Variants in YWHAQ observed in about 807,000 individuals in gnomAD.
YWHAQ encodes the protein tyrosine 3-monooxygenase/tryptophan 5-monooxygenase activation protein theta.
YWHAQ carries 6 observed loss-of-function variants against 28.3 expected under a neutral mutation model. That is an observed-to-expected ratio of 0.21 (90% CI 0.12 to 0.42). The LOEUF is 0.42. YWHAQ is among the 10% of genes least tolerant of loss of function. The pLI is 1.00. For missense variants in YWHAQ, 201 were observed against 305.6 expected (o/e 0.66, Z 2.55); for synonymous variants, 143 against 119.1 (o/e 1.20, Z -1.31).
chr2:9,592,633 G>A (rs188335664), intron 2 of YWHAQ, among the ~76,000 whole-genome samples: 56 of 152,240 alleles, frequency 3.7e-4, no homozygotes, highest in African/African-American at 1.3e-3. Context: ...GCTGAGGCAG[G>A]AGAATTGCTT....
chr2:9,605,436 C>G (rs951886009), intron 2 of YWHAQ, among the ~76,000 whole-genome samples: 12 of 152,174 alleles, frequency 7.9e-5, no homozygotes, highest in African/African-American at 2.7e-4. Context: ...ACACCCCAGC[C>G]TCTGCTCTGT....
chr2:9,620,176 C>T (rs571311751), intron 2 of YWHAQ, among the ~76,000 whole-genome samples: 77 of 152,328 alleles, frequency 5.1e-4, no homozygotes, highest in African/African-American at 1.7e-3. Flanking sequence ...ATCATGGTCT[C>T]ACCACTTGCA....
chr2:9,627,059 T>C (rs1450807523), intron 2 of YWHAQ, among the ~76,000 whole-genome samples: 5 of 152,240 alleles, frequency 3.3e-5, no homozygotes, highest in Non-Finnish European at 7.3e-5. Context: ...CCCCTCATCT[T>C]AGAGAGTTTG....
chr2:9,610,912 G>A (rs538753657), intron 2 of YWHAQ, among the ~76,000 whole-genome samples: 1 of 152,158 alleles, frequency 6.6e-6, no homozygotes, highest in African/African-American at 2.4e-5. Context: ...GTAGCCCTAG[G>A]CAGAAACCTA....
chr2:9,602,597 T>G (rs1294158492), intron 2 of YWHAQ, among the ~76,000 whole-genome samples: 3 of 150,668 alleles, frequency 2.0e-5, no homozygotes, highest in African/African-American at 7.3e-5. Context: ...TGGAACGGAG[T>G]GCAGTGCAGT....
At chr2:9,608,402 GA>G (rs1553373929) in intron 2 of YWHAQ, among the ~76,000 whole-genome samples, 1 of 152,192 alleles carries the variant, frequency 6.6e-6, no homozygotes, top group Non-Finnish European at 1.5e-5. Flanking sequence ...GAAGTAGCCA[GA>G]AATCTACTTC....
intron 2 of YWHAQ, among the ~76,000 whole-genome samples, chr2:9,603,046 T>C (rs1175784266): frequency 1.3e-5 from 2 of 150,724 alleles, no homozygotes; most frequent in Non-Finnish European, 2.9e-5. Flanking sequence ...AAAATGTACA[T>C]TTATCTCCTA....
At chr2:9,598,184 C>T (rs1404788641) in intron 2 of YWHAQ, among the ~76,000 whole-genome samples, 5 of 151,930 alleles carry the variant, frequency 3.3e-5, no homozygotes, top group African/African-American at 4.8e-5. Flanking sequence ...TGGGATTTAG[C>T]GGACACCACA....
chr2:9,607,711 CTTTT>C (rs34963513), intron 2 of YWHAQ, among the ~76,000 whole-genome samples: 2 of 128,664 alleles, frequency 1.6e-5, no homozygotes, highest in Non-Finnish European at 1.6e-5. Flanking sequence ...AATTCTTCCT[CTTTT>C]TTTTTTTTTT....
chr2:9,596,702 A>T (rs1666577611), intron 2 of YWHAQ, among the ~76,000 whole-genome samples: 1 of 149,782 alleles, frequency 6.7e-6, no homozygotes, highest in African/African-American at 2.5e-5. Context: ...TAAGCTAGAG[A>T]TTTTTTTTTT....
At chr2:9,601,756 C>T (rs771827085) in intron 2 of YWHAQ, among the ~76,000 whole-genome samples, 6 of 152,062 alleles carry the variant, frequency 3.9e-5, no homozygotes, top group South Asian at 2.1e-4. Context: ...AGCGATTCTC[C>T]GGCCTCAGCC....
chr2:9,593,923 T>TACACACACACACACAC (rs1553372602), intron 2 of YWHAQ, among the ~76,000 whole-genome samples: 1 of 135,152 alleles, frequency 7.4e-6, no homozygotes, highest in African/African-American at 2.9e-5. Context: ...TATATATATA[T>TACACACACACACACAC]ACACACACAC....
rs538984507 is a variant in YWHAQ, at chr2:9,592,451, C to T, written c.295-936G>A. On this transcript the variant is annotated intron_variant, in intron 2 of 5. Coordinates refer to ENST00000238081, the MANE Select transcript of YWHAQ (RefSeq NM_006826.4). ...ATTTAAAAACCTTTTTAGGGCCGGG[C>T]GCGGTGGCTCACGGCTGTAATCCCA... Among the ~76,000 whole-genome samples, 52 of 151,984 alleles carry T rather than the reference C, an allele frequency of 3.4e-4. 1 individual carries two copies. Among genetic ancestry groups the T allele is most frequent in the African/African-American group, 8.0e-4 (33 of 41,370 alleles).
chr2:9,593,898 TA>T (rs151047530), intron 2 of YWHAQ, among the ~76,000 whole-genome samples: 49 of 121,504 alleles, frequency 4.0e-4, no homozygotes, highest in African/African-American at 8.5e-4. Context: ...TTAAATAGAT[TA>T]AAAAAAATAT....
chr2:9,584,125 G>A lies in YWHAQ; in HGVS notation c.*1161C>T, dbSNP rs1395421735. On this transcript the variant is annotated 3_prime_UTR_variant, in exon 6 of 6. Coordinates refer to ENST00000238081, the MANE Select transcript of YWHAQ (RefSeq NM_006826.4). ...TACACTTCCAGGCATCCCTAGACAA[G>A]TGTGTCACAATGCACAATGTGGAAA... is the stretch of plus-strand genomic sequence containing the variant. The A allele has an allele frequency of 5.2e-5, 8 of 152,564 alleles. No homozygotes were observed. Among genetic ancestry groups the A allele is most frequent in the Non-Finnish European group, 1.0e-4 (7 of 68,036 alleles). 9.5% of individuals were successfully genotyped at this position (152,564 alleles called of 1,614,324 possible).
intron 4 of YWHAQ, 57 bp from the exon 5 acceptor site, chr2:9,587,566 T>C: frequency 2.0e-6 from 3 of 1,465,966 alleles, no homozygotes; most frequent in Admixed American, 2.0e-5. Context: ...CTGGTTATTC[T>C]ACAATTACAA....
In YWHAQ at chr2:9,585,036, G is replaced by A; in HGVS notation, c.*250C>T. 4.1e-6 allele frequency: 2 copies of A among 485,514 alleles called. No individual in the cohort carries two copies. Among genetic ancestry groups the A allele is most frequent in the Non-Finnish European group, 7.5e-6 (2 of 268,148 alleles). The allele number at this position is 485,514 out of a possible 1,614,324, so 30.1% of individuals were successfully genotyped here. The stretch of plus-strand genomic sequence containing the variant: ...TTTTAGTCCTCTACATAAGTGTTTG[G>A]GAGTTACTTATGTTTATATGAAATG... On this transcript the variant is annotated 3_prime_UTR_variant, in exon 6 of 6. Transcript: ENST00000238081.
intron 2 of YWHAQ, among the ~76,000 whole-genome samples, chr2:9,629,138 TTGTC>T (rs1480265349): frequency 6.6e-6 from 1 of 152,090 alleles, no homozygotes; most frequent in Admixed American, 6.6e-5. Flanking sequence ...TCTAGTATGC[TTGTC>T]TATCAAAGCC....
chr2:9,607,567 G>A (rs1053777622), intron 2 of YWHAQ, among the ~76,000 whole-genome samples: 2 of 151,992 alleles, frequency 1.3e-5, no homozygotes, highest in African/African-American at 2.4e-5. Context: ...CATGAGAAAC[G>A]CAAGTGAATA....
Sources: allele counts gnomAD v4.1 joint callset (sites outside exome capture counted in the v4.1 genomes callset), GRCh38; gene constraint gnomAD v4.1.1; transcripts MANE v1.5; gene names NCBI Gene and HGNC (gene_info 2026-07-23, HGNC 2026-07-21).